SPMIP2: variants seen among roughly 807,000 people sequenced by gnomAD.
SPMIP2 encodes the protein protein SPMIP2.
chr4:158,924,383 G>T, the SPMIP2 span, among the ~76,000 whole-genome samples: 1 of 152,072 alleles, frequency 6.6e-6, no homozygotes, highest in Non-Finnish European at 1.5e-5. Flanking sequence ...GTTTTTGTTT[G>T]TTTTTTGTTT....
At chr4:159,012,538 T>C in the SPMIP2 span, among the ~76,000 whole-genome samples, 1 of 151,482 alleles carries the variant, frequency 6.6e-6, no homozygotes, top group Non-Finnish European at 1.5e-5. Context: ...ATTTTTAACA[T>C]GAATAACCTT....
chr4:158,914,673 C>T, the SPMIP2 span, among the ~76,000 whole-genome samples: 15 of 152,298 alleles, frequency 9.8e-5, no homozygotes, highest in South Asian at 3.1e-3. Context: ...CTCCTCCTAA[C>T]TCTATAAAAT....
At chr4:159,014,085 A>T in the SPMIP2 span, among the ~76,000 whole-genome samples, 636 of 152,336 alleles carry the variant, frequency 4.2e-3, 7 homozygotes, top group African/African-American at 0.014. Flanking sequence ...TAAAATAGTT[A>T]AAAGGTAAAT....
chr4:158,951,995 A>G, the SPMIP2 span, among the ~76,000 whole-genome samples: 1 of 152,152 alleles, frequency 6.6e-6, no homozygotes, highest in African/African-American at 2.4e-5. Flanking sequence ...TCCAGAATCT[A>G]TTTACTTTGT....
chr4:159,023,607 A>G, the SPMIP2 span, among the ~76,000 whole-genome samples: 1 of 152,234 alleles, frequency 6.6e-6, no homozygotes, highest in Admixed American at 6.5e-5. Context: ...ACAATCTTCT[A>G]GAGTCATCCT....
chr4:158,913,971 G>A, the SPMIP2 span, among the ~76,000 whole-genome samples: 1 of 152,160 alleles, frequency 6.6e-6, no homozygotes, highest in Non-Finnish European at 1.5e-5. Flanking sequence ...AGATGGGGCT[G>A]GGGAAAGAGT....
chr4:159,042,850 A>T, the SPMIP2 span, among the ~76,000 whole-genome samples: 1 of 152,018 alleles, frequency 6.6e-6, no homozygotes, highest in South Asian at 2.1e-4. Flanking sequence ...TTTAGTAGAG[A>T]CAGAGTTTTG....
the SPMIP2 span, among the ~76,000 whole-genome samples, chr4:158,949,410 T>G: frequency 6.6e-6 from 1 of 152,222 alleles, no homozygotes; most frequent in African/African-American, 2.4e-5. Flanking sequence ...AACAACACTA[T>G]CTATACAACA....
chr4:158,949,271 C>T, the SPMIP2 span, among the ~76,000 whole-genome samples: 1 of 152,164 alleles, frequency 6.6e-6, no homozygotes, highest in Non-Finnish European at 1.5e-5. Context: ...ATCCTATTGT[C>T]CTGGTGACTC....
At chr4:158,980,669 C>A in the SPMIP2 span, among the ~76,000 whole-genome samples, 3 of 152,184 alleles carry the variant, frequency 2.0e-5, no homozygotes, top group Non-Finnish European at 2.9e-5. Context: ...AACACATCAA[C>A]AAAAAGGACA....
chr4:158,894,730 T>G, the SPMIP2 span, among the ~76,000 whole-genome samples: 1 of 152,204 alleles, frequency 6.6e-6, no homozygotes, highest in African/African-American at 2.4e-5. Context: ...TGGAGGAGCA[T>G]TTCCATGAGA....
chr4:158,917,464 C>T, the SPMIP2 span, among the ~76,000 whole-genome samples: 1 of 151,968 alleles, frequency 6.6e-6, no homozygotes, highest in African/African-American at 2.4e-5. Flanking sequence ...GGCCCACTCT[C>T]CTCAGCCCGT....
the SPMIP2 span, among the ~76,000 whole-genome samples, chr4:158,953,084 C>T: frequency 1.3e-5 from 2 of 152,170 alleles, no homozygotes; most frequent in Non-Finnish European, 2.9e-5. Context: ...AAGCTGGCAG[C>T]AGAAATTTGC....
At chr4:159,037,785 T>TACACACACACAC in the SPMIP2 span, among the ~76,000 whole-genome samples, 1 of 119,006 alleles carries the variant, frequency 8.4e-6, no homozygotes, top group African/African-American at 3.6e-5. Context: ...AAACAATATA[T>TACACACACACAC]ACACACACAC....
the SPMIP2 span, among the ~76,000 whole-genome samples, chr4:159,079,065 C>A: frequency 6.6e-6 from 1 of 152,084 alleles, no homozygotes; most frequent in East Asian, 1.9e-4. Context: ...TCGCAGTGAG[C>A]TGAGATCATG....
chr4:158,961,955 A>C, the SPMIP2 span, among the ~76,000 whole-genome samples: 1 of 152,126 alleles, frequency 6.6e-6, no homozygotes, highest in African/African-American at 2.4e-5. Context: ...ATCTTCATTG[A>C]AATGGGTAAC....
the SPMIP2 span, among the ~76,000 whole-genome samples, chr4:158,931,951 C>A: frequency 6.6e-6 from 1 of 152,120 alleles, no homozygotes. Flanking sequence ...TCTTTAGATA[C>A]AATTTCCTTT....
At chr4:158,980,668 A>C in the SPMIP2 span, among the ~76,000 whole-genome samples, 1 of 152,232 alleles carries the variant, frequency 6.6e-6, no homozygotes, top group Non-Finnish European at 1.5e-5. Context: ...CAACACATCA[A>C]CAAAAAGGAC....
chr4:158,956,429 G>A, the SPMIP2 span, among the ~76,000 whole-genome samples: 9 of 152,356 alleles, frequency 5.9e-5, no homozygotes, highest in Admixed American at 4.6e-4. Context: ...TGGGCATGAT[G>A]GTGCATGCCT....
Sources: allele counts gnomAD v4.1 joint callset (sites outside exome capture counted in the v4.1 genomes callset), GRCh38; gene constraint gnomAD v4.1.1; transcripts MANE v1.5; gene names NCBI Gene and HGNC (gene_info 2026-07-23, HGNC 2026-07-21).